ANKRD26: variants seen among roughly 807,000 people sequenced by gnomAD.
ANKRD26 encodes ankyrin repeat domain-containing protein 26.
In ANKRD26, 141 loss-of-function variants were observed where a neutral mutation model predicts 208.7. That is an observed-to-expected ratio of 0.68 (90% CI 0.59 to 0.78). The LOEUF is 0.78. Among genes scored for constraint, ANKRD26 ranks in the 30% least tolerant of loss-of-function variants. The probability of loss-of-function intolerance (pLI) is 0.00; values close to 1 mark genes in which losing one functional copy is unlikely to be tolerated. For missense variants in ANKRD26, 1,889 were observed against 1,938.7 expected, an observed-to-expected ratio of 0.97 and a Z score of 0.48; for synonymous variants, 636 against 660.4, an observed-to-expected ratio of 0.96 and a Z score of 0.57.
chr10:26,984,656 C>A (rs1024249864), intron 3 of ANKRD26, among the ~76,000 whole-genome samples: 3 of 152,146 alleles, frequency 2.0e-5, no homozygotes. Flanking sequence ...TAGTCCCTTA[C>A]AATATATTGC....
At chr10:27,098,317 C>G (rs1020757222) in intron 1 of ANKRD26, among the ~76,000 whole-genome samples, 39 of 151,376 alleles carry the variant, frequency 2.6e-4, no homozygotes, top group African/African-American at 8.5e-4. Flanking sequence ...AGCCAAGATC[C>G]CCTTTACTTC....
intron 32 of ANKRD26, among the ~76,000 whole-genome samples, chr10:27,008,468 G>A (rs567041449): frequency 1.4e-4 from 21 of 152,066 alleles, no homozygotes; most frequent in African/African-American, 2.2e-4. Flanking sequence ...TAAACATGAC[G>A]TAAAATATAC....
At chr10:27,026,169 T>A (rs959768921) in intron 27 of ANKRD26, among the ~76,000 whole-genome samples, 2 of 152,238 alleles carry the variant, frequency 1.3e-5, no homozygotes, top group Non-Finnish European at 2.9e-5. Context: ...GGGCTATTGA[T>A]GAGTTGGTTG....
intron 4 of ANKRD26, among the ~76,000 whole-genome samples, chr10:26,982,550 T>A (rs2052323508): frequency 6.6e-6 from 1 of 151,546 alleles, no homozygotes; most frequent in Non-Finnish European, 1.5e-5. Context: ...TAAGGTTCCA[T>A]GGTGCTAGAA....
chr10:26,966,021 T>C, the ANKRD26 span, among the ~76,000 whole-genome samples: 1 of 152,310 alleles, frequency 6.6e-6, no homozygotes, highest in Admixed American at 6.5e-5. Context: ...GGAAAACTTT[T>C]ACACTGTTGG....
chr10:27,008,987 G>A (rs566426555), intron 32 of ANKRD26, among the ~76,000 whole-genome samples: 4 of 152,158 alleles, frequency 2.6e-5, no homozygotes, highest in South Asian at 2.1e-4. Flanking sequence ...CTACAGGCGC[G>A]CAACACCACG....
At chr10:26,967,827 T>C in the ANKRD26 span, among the ~76,000 whole-genome samples, 85 of 152,328 alleles carry the variant, frequency 5.6e-4, no homozygotes, top group African/African-American at 1.8e-3. Context: ...TACCATGTAC[T>C]GTCCATTGGG....
intron 18 of ANKRD26, among the ~76,000 whole-genome samples, chr10:27,045,195 G>A (rs1017473949): frequency 2.6e-5 from 4 of 152,144 alleles, no homozygotes; most frequent in African/African-American, 4.8e-5. Context: ...AGGCCAAGGT[G>A]GGCAGATCAC....
At chr10:27,014,889 A>C (rs1010512832) in intron 30 of ANKRD26, among the ~76,000 whole-genome samples, 178 bp from the exon 31 acceptor site, 5 of 152,216 alleles carry the variant, frequency 3.3e-5, no homozygotes, top group Admixed American at 2.0e-4. Flanking sequence ...CTAATTGAAA[A>C]GGGAATCCAA....
chr10:27,049,548 G>A (rs2054577709), intron 16 of ANKRD26, among the ~76,000 whole-genome samples: 1 of 152,174 alleles, frequency 6.6e-6, no homozygotes, highest in African/African-American at 2.4e-5. Flanking sequence ...CACAACATAA[G>A]GAACAGAGTG....
At chr10:27,020,173 G>A (rs2053438551) in intron 29 of ANKRD26, among the ~76,000 whole-genome samples, 1 of 152,098 alleles carries the variant, frequency 6.6e-6, no homozygotes, top group Non-Finnish European at 1.5e-5. Context: ...CTCCTTTTTA[G>A]TTGACACACA....
intron 15 of ANKRD26, among the ~76,000 whole-genome samples, chr10:27,056,126 T>C (rs868817275): frequency 2.8e-4 from 42 of 152,312 alleles, no homozygotes; most frequent in African/African-American, 9.9e-4. Context: ...TGTCCGGTTG[T>C]AGGTTACATA....
At chr10:27,042,114 T>C (rs867614749) in intron 20 of ANKRD26, among the ~76,000 whole-genome samples, 1 of 150,502 alleles carries the variant, frequency 6.6e-6, no homozygotes, top group African/African-American at 2.4e-5. Flanking sequence ...TGTAGATCAA[T>C]GGAACACAAC....
chr10:26,966,699 G>C, the ANKRD26 span, among the ~76,000 whole-genome samples: 5 of 152,140 alleles, frequency 3.3e-5, no homozygotes, highest in Non-Finnish European at 7.3e-5. Flanking sequence ...TGCAAGGAAG[G>C]CGTAGTACAG....
At chr10:27,097,319 C>A (rs1042540732) in intron 1 of ANKRD26, among the ~76,000 whole-genome samples, 14 of 141,904 alleles carry the variant, frequency 9.9e-5, no homozygotes, top group Admixed American at 2.1e-4. Context: ...ACTAGAAATA[C>A]AAAAAAAAAA....
intron 25 of ANKRD26, among the ~76,000 whole-genome samples, chr10:27,031,303 C>T (rs955652914): frequency 2.0e-5 from 3 of 152,054 alleles, no homozygotes; most frequent in Admixed American, 6.5e-5. Context: ...GAGGCCCATC[C>T]GCTGATGAAT....
the ANKRD26 span, among the ~76,000 whole-genome samples, chr10:26,947,888 T>C: frequency 1.3e-5 from 2 of 152,232 alleles, no homozygotes; most frequent in Non-Finnish European, 2.9e-5. Context: ...ATAATAACAA[T>C]TCTAAGTAAG....
At position 27,037,210 on chromosome 10, in the gene ANKRD26, C is replaced by T. The variant is rs370355305; in HGVS notation, c.2673G>A (p.Met891Ile). 3 of 1,613,288 alleles carry T rather than the reference C, an allele frequency of 1.9e-6. No individual in the cohort carries two copies. The highest frequency in any genetic ancestry group is 2.5e-6 in the Non-Finnish European group (3 of 1,179,570). The change falls in exon 23 of 34, where the codon ATG becomes ATA. Residue 891 changes from methionine to isoleucine, a missense_variant. This residue lies in a region of ANKRD26 where 1,272 missense variants were observed against 1,273.8 expected (regional missense o/e 1.00). Coordinates refer to ENST00000376087, the MANE Select transcript of ANKRD26 (RefSeq NM_014915.3). ...NHLSKQKEIE[M>I]AQKKMNSENS... is the part of the protein sequence containing the mutation. The stretch of plus-strand genomic sequence containing the variant: ...CCTCAGAATTCATTTTCTTTTGAGC[C>T]ATTTCAATCTCCTTTTGTTTGGAAA...
At chr10:27,051,131 A>T (rs2054642579) in intron 16 of ANKRD26, 1 of 1,290,064 alleles carries the variant, frequency 7.8e-7, no homozygotes, top group Non-Finnish European at 1.0e-6. Flanking sequence ...TCTCATTTTT[A>T]AACCTTTGCA....
Sources: gnomAD v4.1 joint callset for allele counts (sites outside exome capture counted in the v4.1 genomes callset) on GRCh38, gnomAD v4.1.1 for gene constraint, gnomAD v4.1.1 regional missense constraint, MANE v1.5 for transcripts, NCBI Gene and HGNC (gene_info 2026-07-23, HGNC 2026-07-21) for gene names.